The following PTPRN2 variants were observed in gnomAD, a reference collection of about 807,000 sequenced individuals.
PTPRN2 encodes protein tyrosine phosphatase receptor type N2, also known as receptor-type tyrosine-protein phosphatase N2.
PTPRN2 carries 74 observed loss-of-function variants against 118.8 expected under a neutral mutation model. That is an observed-to-expected ratio of 0.62 (90% CI 0.52 to 0.76). PTPRN2 has a LOEUF of 0.76. Ranked by LOEUF, PTPRN2 falls within the 30% of genes least tolerant of loss-of-function variation. PTPRN2 has a pLI of 0.00. For synonymous variants in PTPRN2, 641 were observed against 608.0 expected (o/e 1.05, Z -0.80); for missense variants, 1,481 against 1,394.4 (o/e 1.06, Z -0.99).
intron 9 of PTPRN2, among the ~76,000 whole-genome samples, chr7:158,115,535 T>C (rs1032065855): frequency 6.6e-6 from 1 of 152,080 alleles, no homozygotes; most frequent in Non-Finnish European, 1.5e-5. Context: ...GAGGGGCCTA[T>C]GGGAGGTGGT....
At chr7:157,683,121 G>C (rs1585231417) in intron 12 of PTPRN2, among the ~76,000 whole-genome samples, 184 bp from the exon 13 acceptor site, 1 of 152,370 alleles carries the variant, frequency 6.6e-6, no homozygotes, top group Non-Finnish European at 1.5e-5. Context: ...GAAATCATTT[G>C]AAAATAGCAC....
chr7:158,176,572 A>C (rs1824229062), intron 5 of PTPRN2, among the ~76,000 whole-genome samples: 1 of 152,118 alleles, frequency 6.6e-6, no homozygotes, highest in Non-Finnish European at 1.5e-5. Context: ...AGGGACTGCT[A>C]GTGCAGGGTG....
intron 11 of PTPRN2, among the ~76,000 whole-genome samples, chr7:157,921,741 G>A (rs1216998078): frequency 6.6e-6 from 1 of 152,172 alleles, no homozygotes; most frequent in Admixed American, 6.5e-5. Context: ...CCATGCCCTC[G>A]GACTTCCCAG....
intron 6 of PTPRN2, among the ~76,000 whole-genome samples, chr7:158,163,542 G>A (rs1822567898): frequency 2.1e-5 from 3 of 140,396 alleles, no homozygotes; most frequent in African/African-American, 5.4e-5. Flanking sequence ...AATATTCTCT[G>A]TGTATTTCAT....
chr7:158,569,668 A>ACTGACAGGAACGCGGTGCGCGAGGCCGC (rs1827870248), intron 1 of PTPRN2, among the ~76,000 whole-genome samples: 7 of 112,904 alleles, frequency 6.2e-5, no homozygotes, highest in African/African-American at 2.1e-4. Context: ...AGGCCGCCTA[A>ACTGACAGGAACGCGGTGCGCGAGGCCGC]CTGACAGGAA....
chr7:157,681,789 C>T (rs988255281), intron 13 of PTPRN2, among the ~76,000 whole-genome samples: 1 of 152,126 alleles, frequency 6.6e-6, no homozygotes, highest in African/African-American at 2.4e-5. Context: ...ACTTTACATA[C>T]GACTGTAAAA....
intron 2 of PTPRN2, among the ~76,000 whole-genome samples, chr7:158,404,891 G>A (rs1232782427): frequency 1.1e-5 from 1 of 94,508 alleles, no homozygotes; most frequent in Admixed American, 1.3e-4. Context: ...CCAGCTCCTC[G>A]GCCTCAGCTC....
chr7:158,027,247 G>A (rs1807346551), intron 11 of PTPRN2: 1 of 152,240 alleles, frequency 6.6e-6, no homozygotes, highest in Non-Finnish European at 1.5e-5. Flanking sequence ...GAAGTCAAAT[G>A]GAACTGAAAG....
rs1183992072 is a variant in PTPRN2, at chr7:158,093,368, C to T, written c.1644-11991G>A. ...GCTGGACCGACCCCCACACTGTGGA[C>T]CCACAGGTAGGCCTGCACCACTGTC... On this transcript the variant is annotated intron_variant, in intron 10 of 22. Coordinates refer to ENST00000389418, the MANE Select transcript of PTPRN2 (RefSeq NM_002847.5). This position sits in a 1 kb window ranked among gnomAD's most constrained non-coding sequence, Gnocchi z 4.4. 1.3e-5 allele frequency among the ~76,000 whole-genome samples: 2 copies of T among 151,634 alleles called. No individual in the cohort carries two copies. Among genetic ancestry groups the T allele is most frequent in the Non-Finnish European group, 2.9e-5 (2 of 67,986 alleles).
chr7:158,305,792 CAA>C (rs113374723), intron 3 of PTPRN2, among the ~76,000 whole-genome samples: 54 of 116,126 alleles, frequency 4.7e-4, no homozygotes, highest in African/African-American at 9.4e-4. Flanking sequence ...GCAATTTACT[CAA>C]AAAAAAAAAA....
At chr7:157,650,858 A>G (rs1805606896) in intron 14 of PTPRN2, among the ~76,000 whole-genome samples, 1 of 152,240 alleles carries the variant, frequency 6.6e-6, no homozygotes, top group Admixed American at 6.5e-5. Context: ...TCGGTGACTT[A>G]TCGCTAAGAA....
chr7:157,928,844 G>C (rs1279509458), intron 11 of PTPRN2, among the ~76,000 whole-genome samples: 1 of 136,914 alleles, frequency 7.3e-6, no homozygotes, highest in African/African-American at 2.8e-5. Flanking sequence ...AGAGAGGGCA[G>C]TGCAGAGGAT....
chr7:158,145,916 C>A (rs1006617014), intron 6 of PTPRN2, among the ~76,000 whole-genome samples: 2 of 152,154 alleles, frequency 1.3e-5, no homozygotes, highest in Non-Finnish European at 1.5e-5. Context: ...GGGGCAAGCT[C>A]GCTCATTTCT....
intron 3 of PTPRN2, among the ~76,000 whole-genome samples, chr7:158,239,968 G>A (rs775599609): frequency 7.9e-5 from 12 of 152,122 alleles, no homozygotes; most frequent in Non-Finnish European, 1.8e-4. Flanking sequence ...GGGAACTGGC[G>A]AAGTGAGCTA....
chr7:157,741,401 C>T (rs898867994), intron 12 of PTPRN2, among the ~76,000 whole-genome samples: 2 of 152,210 alleles, frequency 1.3e-5, no homozygotes, highest in African/African-American at 4.8e-5. Context: ...GGGTGCCCGG[C>T]CTGCTCTTAG....
chr7:158,494,847 G>A (rs1228235550), intron 1 of PTPRN2, among the ~76,000 whole-genome samples: 1 of 152,114 alleles, frequency 6.6e-6, no homozygotes, highest in Admixed American at 6.5e-5. Flanking sequence ...CACTCACTTG[G>A]TACAAGGAAC....
At chr7:158,140,969 G>C (rs574307295) in intron 6 of PTPRN2, among the ~76,000 whole-genome samples, 1 of 152,132 alleles carries the variant, frequency 6.6e-6, no homozygotes, top group East Asian at 1.9e-4. Flanking sequence ...CTACCTTCCC[G>C]AACGACACCG....
intron 17 of PTPRN2, among the ~76,000 whole-genome samples, chr7:157,593,878 C>T (rs186862355): frequency 2.4e-4 from 37 of 152,354 alleles, no homozygotes; most frequent in African/African-American, 8.2e-4. Context: ...ACAGGTTCGC[C>T]GTGCCATGCC....
intron 12 of PTPRN2, among the ~76,000 whole-genome samples, chr7:157,805,302 TGTGTGTGTGTGTGTGC>T (rs1043829356): frequency 4.9e-4 from 74 of 151,594 alleles, no homozygotes; most frequent in African/African-American, 1.7e-3. Context: ...TGTGTGTGTG[TGTGTGTGTGTGTGTGC>T]GTGTGCAAAT....
Sources: gnomAD v4.1 joint callset for allele counts (sites outside exome capture counted in the v4.1 genomes callset) on GRCh38, gnomAD v4.1.1 for gene constraint, Gnocchi (gnomAD v3.1) non-coding constraint, MANE v1.5 for transcripts, NCBI Gene and HGNC (gene_info 2026-07-23, HGNC 2026-07-21) for gene names.